Variants in CSMD1 observed in about 807,000 individuals in gnomAD.
CSMD1 encodes the protein CUB and sushi domain-containing protein 1.
A neutral mutation model predicts 417.5 loss-of-function variants in CSMD1; 213 were observed. The observed-to-expected ratio is 0.51, with a 90% CI of 0.46 to 0.57. CSMD1 has a LOEUF of 0.57. Among genes scored for constraint, CSMD1 ranks in the 20% least tolerant of loss-of-function variants. The pLI, the probability that CSMD1 is intolerant of heterozygous loss-of-function variation, is 0.00. For missense variants in CSMD1, 6,923 were observed against 4,529.7 expected, an observed-to-expected ratio of 1.53 and a Z score of -15.17; for synonymous variants, 2,862 against 1,736.8, an observed-to-expected ratio of 1.65 and a Z score of -16.11.
At chr8:4,732,384 G>GTGTGTGTGTGT (rs1563244645) in intron 1 of CSMD1, among the ~76,000 whole-genome samples, 1 of 45,274 alleles carries the variant, frequency 2.2e-5, no homozygotes, top group African/African-American at 7.9e-5. Flanking sequence ...TGTGTGTGTA[G>GTGTGTGTGTGT]TGTTTTTCCC....
At chr8:3,110,563 A>G (rs916637615) in intron 42 of CSMD1, among the ~76,000 whole-genome samples, 1 of 152,232 alleles carries the variant, frequency 6.6e-6, no homozygotes, top group Non-Finnish European at 1.5e-5. Flanking sequence ...TATATTCTCC[A>G]TATCTTCAAA....
At chr8:4,834,163 G>C (rs555743828) in intron 1 of CSMD1, among the ~76,000 whole-genome samples, 5 of 152,310 alleles carry the variant, frequency 3.3e-5, no homozygotes, top group African/African-American at 1.2e-4. Flanking sequence ...GATAAAACAA[G>C]GATGTGTTAT....
intron 5 of CSMD1, among the ~76,000 whole-genome samples, chr8:3,919,393 C>G (rs996046372): frequency 1.3e-5 from 2 of 152,060 alleles, no homozygotes; most frequent in African/African-American, 2.4e-5. Context: ...TGAAGAGACT[C>G]TCTTTTCCCC....
intron 15 of CSMD1, among the ~76,000 whole-genome samples, chr8:3,399,933 C>T (rs537191259): frequency 1.3e-5 from 2 of 152,154 alleles, no homozygotes; most frequent in South Asian, 4.1e-4. Flanking sequence ...TACATATACA[C>T]ACCCTTAGGT....
At chr8:4,535,182 G>A (rs1797043411) in intron 2 of CSMD1, among the ~76,000 whole-genome samples, 1 of 152,080 alleles carries the variant, frequency 6.6e-6, no homozygotes, top group Admixed American at 6.6e-5. Context: ...TCTATATAAG[G>A]TATATAAAGA....
intron 2 of CSMD1, among the ~76,000 whole-genome samples, chr8:4,618,908 TA>T (rs1801624454): frequency 6.6e-6 from 1 of 152,162 alleles, no homozygotes; most frequent in East Asian, 1.9e-4. Flanking sequence ...GCTCTAGCCA[TA>T]AACTCTTCAC....
chr8:4,185,454 A>G (rs1272270731), intron 3 of CSMD1, among the ~76,000 whole-genome samples: 1 of 152,170 alleles, frequency 6.6e-6, no homozygotes, highest in African/African-American at 2.4e-5. Context: ...TTTTAAAAAC[A>G]GCATACACCA....
chr8:2,954,043 A>T (rs1353646045), intron 65 of CSMD1, among the ~76,000 whole-genome samples, 181 bp downstream of exon 65: 5 of 152,276 alleles, frequency 3.3e-5, no homozygotes, highest in Non-Finnish European at 7.3e-5. Context: ...TTCATTAACA[A>T]ACCATTGTTG....
At chr8:3,859,963 G>A (rs1000921066) in intron 5 of CSMD1, among the ~76,000 whole-genome samples, 1 of 152,128 alleles carries the variant, frequency 6.6e-6, no homozygotes, top group Non-Finnish European at 1.5e-5. Context: ...GAGTCCCAGT[G>A]AATTTTCAAG....
intron 2 of CSMD1, among the ~76,000 whole-genome samples, chr8:4,473,888 T>C (rs1157391990): frequency 6.6e-6 from 1 of 152,070 alleles, no homozygotes; most frequent in Non-Finnish European, 1.5e-5. Flanking sequence ...AGAGGTAGCT[T>C]TTCAAATCAG....
At chr8:4,249,723 G>A (rs1164862816) in intron 3 of CSMD1, among the ~76,000 whole-genome samples, 1 of 152,176 alleles carries the variant, frequency 6.6e-6, no homozygotes, top group South Asian at 2.1e-4. Flanking sequence ...GGCCTCAGCA[G>A]AAGTAGCTCA....
At chr8:4,234,418 T>C (rs1418342566) in intron 3 of CSMD1, among the ~76,000 whole-genome samples, 1 of 152,090 alleles carries the variant, frequency 6.6e-6, no homozygotes, top group East Asian at 1.9e-4. Context: ...AGTCTGCTCT[T>C]CCATGGAAAC....
chr8:3,088,853 A>AAG (rs1343015849), intron 48 of CSMD1, among the ~76,000 whole-genome samples: 1 of 151,594 alleles, frequency 6.6e-6, no homozygotes, highest in East Asian at 1.9e-4. Flanking sequence ...TAAAAAAAAA[A>AAG]AAAAAAAAAA....
intron 12 of CSMD1, among the ~76,000 whole-genome samples, chr8:3,419,287 C>G (rs767843459): frequency 6.6e-6 from 1 of 152,192 alleles, no homozygotes; most frequent in Non-Finnish European, 1.5e-5. Flanking sequence ...TTCTTGAGTT[C>G]AGGTTCACTG....
intron 5 of CSMD1, among the ~76,000 whole-genome samples, chr8:3,989,582 G>C (rs780326337): frequency 2.0e-5 from 3 of 152,162 alleles, no homozygotes; most frequent in Non-Finnish European, 4.4e-5. Context: ...GAAAGGGATT[G>C]CATTAAGAGA....
intron 3 of CSMD1, among the ~76,000 whole-genome samples, chr8:4,382,052 G>A (rs745477176): frequency 7.2e-5 from 11 of 152,188 alleles, no homozygotes; most frequent in African/African-American, 1.2e-4. Context: ...TGCGACACCA[G>A]AACTGGGACT....
intron 4 of CSMD1, among the ~76,000 whole-genome samples, chr8:4,019,681 A>C (rs1260348934): frequency 6.6e-6 from 1 of 152,150 alleles, no homozygotes; most frequent in Admixed American, 6.5e-5. Context: ...GTCTGAGATA[A>C]TGCTGCTCCT....
At chr8:4,438,897 C>T (rs79586541) in intron 2 of CSMD1, among the ~76,000 whole-genome samples, 3,033 of 152,260 alleles carry the variant, frequency 0.02, 123 homozygotes, top group African/African-American at 0.069. Context: ...CAAAGACCAA[C>T]GGAGTTTAAG....
intron 15 of CSMD1, among the ~76,000 whole-genome samples, chr8:3,401,663 G>A (rs1411942573): frequency 6.6e-6 from 1 of 152,182 alleles, no homozygotes; most frequent in Non-Finnish European, 1.5e-5. Flanking sequence ...GTCTAGGTCT[G>A]TGAGACACAG....
Sources: allele counts gnomAD v4.1 joint callset (sites outside exome capture counted in the v4.1 genomes callset), GRCh38; gene constraint gnomAD v4.1.1; transcripts MANE v1.5; gene names NCBI Gene and HGNC (gene_info 2026-07-23, HGNC 2026-07-21).